The following TBC1D14 variants were observed in gnomAD, a reference collection of about 807,000 sequenced individuals.
TBC1D14 encodes the protein TBC1 domain family, member 14.
Under a neutral mutation model 79.0 loss-of-function variants are expected in TBC1D14, and 26 were observed. The ratio of observed to expected loss-of-function variants is 0.33; its 90% CI spans 0.24 to 0.46. The LOEUF is 0.46. Among genes scored for constraint, TBC1D14 ranks in the 20% least tolerant of loss-of-function variants. The pLI is 1.00. For missense variants in TBC1D14, 769 were observed against 887.6 expected (o/e 0.87, Z 1.70); for synonymous variants, 394 against 349.9 (o/e 1.13, Z -1.40).
At chr4:6,990,865 C>T (rs1236306262) in intron 3 of TBC1D14, among the ~76,000 whole-genome samples, 1 of 152,148 alleles carries the variant, frequency 6.6e-6, no homozygotes, top group African/African-American at 2.4e-5. Context: ...CTAGCCCGAC[C>T]TTAGCGCTGA....
At chr4:6,916,942 A>G (rs1307670941) in intron 1 of TBC1D14, among the ~76,000 whole-genome samples, 3 of 152,168 alleles carry the variant, frequency 2.0e-5, no homozygotes, top group Non-Finnish European at 4.4e-5. Flanking sequence ...CTAGGACGTT[A>G]GTGATTGGGA....
In TBC1D14 at chr4:7,027,987, GATC is replaced by G. The variant is rs1406790860; in HGVS notation, c.2017-2338_2017-2336del. On this transcript the variant is annotated intron_variant, in intron 13 of 13. Transcript: ENST00000409757. ...CACATTGCCCACCCCCCCACACATAGATCACCACTTACACATCACCCCACACAC... is the reference window on the plus strand; with the variant it reads ...CACATTGCCCACCCCCCCACACATAGACCACTTACACATCACCCCACACAC... Among the ~76,000 whole-genome samples the G allele has an allele frequency of 4.3e-5, 3 of 69,304 alleles. No homozygotes were observed. The East Asian group carries it at 1.2e-3, about 29-fold the overall frequency. The allele number at this position is 69,304 out of a possible 152,430, so 45.5% of individuals were successfully genotyped here. A position where few individuals can be genotyped will look rare whatever the true frequency, so the allele number is the denominator to read the frequency against.
chr4:6,987,934 A>G (rs1000751791), intron 3 of TBC1D14, among the ~76,000 whole-genome samples: 10 of 152,256 alleles, frequency 6.6e-5, no homozygotes, highest in African/African-American at 1.9e-4. Context: ...CAGAATGCCA[A>G]CATTCCCAGT....
chr4:6,934,790 G>A (rs1712150401), intron 2 of TBC1D14, among the ~76,000 whole-genome samples: 1 of 152,170 alleles, frequency 6.6e-6, no homozygotes, highest in South Asian at 2.1e-4. Context: ...ATTTAAGAGA[G>A]AATGGGGCCG....
intron 3 of TBC1D14, among the ~76,000 whole-genome samples, chr4:6,990,908 T>A (rs192327889): frequency 2.1e-3 from 317 of 152,312 alleles, no homozygotes; most frequent in Middle Eastern, 6.8e-3. Context: ...TCTCCAGTGC[T>A]GTTTCTTCCC....
intron 2 of TBC1D14, among the ~76,000 whole-genome samples, chr4:6,924,671 C>T (rs1211139135): frequency 1.3e-5 from 2 of 152,168 alleles, no homozygotes; most frequent in Non-Finnish European, 1.5e-5. Context: ...CTGGGCCTGG[C>T]CATGCACTCC....
At chr4:6,983,361 C>T (rs546742455) in intron 3 of TBC1D14, among the ~76,000 whole-genome samples, 4 of 152,112 alleles carry the variant, frequency 2.6e-5, no homozygotes, top group East Asian at 3.8e-4. Context: ...TGAAACCAGA[C>T]GTAAGTGGAT....
At chr4:6,959,241 G>A (rs867819571) in intron 2 of TBC1D14, among the ~76,000 whole-genome samples, 6 of 152,208 alleles carry the variant, frequency 3.9e-5, no homozygotes, top group African/African-American at 9.7e-5. Context: ...CCTTGGAGAC[G>A]ATAGGTGCTC....
At position 7,019,579 on chromosome 4, in the gene TBC1D14, G is replaced by A. The variant is rs1051590361; in HGVS notation, c.1757+5022G>A. The stretch of plus-strand genomic sequence containing the variant: ...AGGGAGGGGCAGCAGCCTGTGCATC[G>A]TTGGCACACCCTGGCCTGGCTGAAG... On this transcript the variant is annotated intron_variant, in intron 12 of 13. Transcript: ENST00000409757. Among the ~76,000 whole-genome samples the A allele has an allele frequency of 2.6e-5, 4 of 152,262 alleles. No homozygotes were observed. The East Asian group carries it at 7.7e-4, about 29-fold the overall frequency.
chr4:7,028,552 G>C (rs1050223493), intron 13 of TBC1D14, among the ~76,000 whole-genome samples: 1 of 151,516 alleles, frequency 6.6e-6, no homozygotes, highest in African/African-American at 2.4e-5. Flanking sequence ...TCAGCCTCCC[G>C]AGTAGCTGGG....
chr4:7,015,937 T>C (rs1163305121), intron 12 of TBC1D14, among the ~76,000 whole-genome samples: 2 of 152,218 alleles, frequency 1.3e-5, no homozygotes, highest in African/African-American at 4.8e-5. Flanking sequence ...CTAAATCGTA[T>C]GGTAAATGTC....
At chr4:7,016,384 C>G (rs993518157) in intron 12 of TBC1D14, among the ~76,000 whole-genome samples, 2 of 152,210 alleles carry the variant, frequency 1.3e-5, no homozygotes, top group African/African-American at 4.8e-5. Flanking sequence ...ACACAAAGCT[C>G]CTGCACAGGC....
chr4:6,998,043 T>A (rs1719248147), intron 5 of TBC1D14, among the ~76,000 whole-genome samples: 1 of 152,166 alleles, frequency 6.6e-6, no homozygotes, highest in Non-Finnish European at 1.5e-5. Flanking sequence ...ACTAAATGCA[T>A]GGTATTTCTC....
chr4:6,999,759 C>T (rs1378916089), intron 6 of TBC1D14, among the ~76,000 whole-genome samples: 1 of 152,162 alleles, frequency 6.6e-6, no homozygotes, highest in Non-Finnish European at 1.5e-5. Context: ...CCTACCCTGG[C>T]TCTAGGGCCC....
chr4:6,966,935 G>A (rs1168815410), intron 2 of TBC1D14, among the ~76,000 whole-genome samples: 3 of 152,040 alleles, frequency 2.0e-5, no homozygotes, highest in South Asian at 4.2e-4. Flanking sequence ...TCAGCCTCCC[G>A]AGTAGCTGGG....
chr4:6,924,834 T>C (rs574496578), intron 2 of TBC1D14, among the ~76,000 whole-genome samples: 1 of 152,110 alleles, frequency 6.6e-6, no homozygotes, highest in Non-Finnish European at 1.5e-5. Context: ...AGGCTGGTCA[T>C]GTGGGGTAAT....
At chr4:6,926,123 T>A (rs1724277253) in intron 2 of TBC1D14, among the ~76,000 whole-genome samples, 1 of 152,210 alleles carries the variant, frequency 6.6e-6, no homozygotes, top group African/African-American at 2.4e-5. Context: ...GTGCCCATTA[T>A]GCTGTTGACG....
At chr4:6,952,675 C>G (rs968180548) in intron 2 of TBC1D14, among the ~76,000 whole-genome samples, 1 of 152,162 alleles carries the variant, frequency 6.6e-6, no homozygotes, top group Non-Finnish European at 1.5e-5. Context: ...AACACACAGA[C>G]AGGTGTTTTC....
In TBC1D14 at chr4:7,027,396, CCACA is replaced by C. The variant is rs537411122; in HGVS notation, c.2016+2137_2016+2140del. On this transcript the variant is annotated intron_variant, in intron 13 of 13. Transcript: ENST00000409757. Reference sequence around the variant, plus strand: ...TCCATTCACCCCCCATCTCACACACCCACACAATCACCCCCCACACACCTACACA... The same window carrying C: ...TCCATTCACCCCCCATCTCACACACCCAATCACCCCCCACACACCTACACA... 4.1e-4 allele frequency among the ~76,000 whole-genome samples: 57 copies of C among 138,616 alleles called. 1 individual carries two copies. The South Asian group carries it at 9.9e-3, about 24-fold the overall frequency. The allele number at this position is 138,616 out of a possible 152,430, so 90.9% of individuals were successfully genotyped here.
Sources: gnomAD v4.1 joint callset for allele counts (sites outside exome capture counted in the v4.1 genomes callset) on GRCh38, gnomAD v4.1.1 for gene constraint, MANE v1.5 for transcripts, NCBI Gene and HGNC (gene_info 2026-07-23, HGNC 2026-07-21) for gene names.